The following DPY19L1 variants were observed in gnomAD, a reference collection of about 807,000 sequenced individuals.
DPY19L1 encodes the protein dpy-19 like C-mannosyltransferase 1.
In DPY19L1, 35 loss-of-function variants were observed where a neutral mutation model predicts 96.9. The observed-to-expected ratio is 0.36, with a 90% CI of 0.28 to 0.48. DPY19L1 has a LOEUF of 0.48. Among genes scored for constraint, DPY19L1 ranks in the 20% least tolerant of loss-of-function variants. The pLI, the probability that DPY19L1 is intolerant of heterozygous loss-of-function variation, is 0.99. For synonymous variants in DPY19L1, 205 were observed against 252.6 expected (o/e 0.81, Z 1.79); for missense variants, 521 against 777.9 (o/e 0.67, Z 3.93).
upstream of DPY19L1, chr7:35,037,591 G>A (rs1786465480): frequency 7.4e-6 from 2 of 269,664 alleles, no homozygotes; most frequent in Non-Finnish European, 1.4e-5. Flanking sequence ...TGGCAGTACC[G>A]CCGGGAGGCG....
chr7:34,936,120 C>T (rs1050320795), intron 21 of DPY19L1, among the ~76,000 whole-genome samples: 2 of 152,236 alleles, frequency 1.3e-5, no homozygotes, highest in African/African-American at 4.8e-5. Context: ...CTCTTCTGCA[C>T]CCCAACTCTC....
intron 21 of DPY19L1, among the ~76,000 whole-genome samples, chr7:34,933,846 G>T (rs1783808954): frequency 6.6e-6 from 1 of 152,186 alleles, no homozygotes; most frequent in Admixed American, 6.5e-5. Context: ...TACTTTTGAA[G>T]TTTTGGGACT....
intron 1 of DPY19L1, among the ~76,000 whole-genome samples, chr7:35,026,261 A>G (rs989032142): frequency 6.6e-6 from 1 of 152,170 alleles, no homozygotes; most frequent in African/African-American, 2.4e-5. Flanking sequence ...AGTAGCTGGA[A>G]ATGCAGAGTC....
At chr7:34,985,348 C>T (rs540215936) in intron 7 of DPY19L1, among the ~76,000 whole-genome samples, 6 of 152,206 alleles carry the variant, frequency 3.9e-5, no homozygotes, top group South Asian at 2.1e-4. Flanking sequence ...AACTAAAATG[C>T]TTCTGCACAA....
intron 7 of DPY19L1, among the ~76,000 whole-genome samples, chr7:34,987,338 T>G (rs1028254003): frequency 3.3e-5 from 5 of 152,096 alleles, no homozygotes; most frequent in Non-Finnish European, 7.4e-5. Context: ...ACCCTTTTAC[T>G]GCATTTCACA....
intron 7 of DPY19L1, among the ~76,000 whole-genome samples, chr7:34,979,122 C>A (rs1784887919): frequency 6.6e-6 from 1 of 152,088 alleles, no homozygotes; most frequent in Admixed American, 6.6e-5. Flanking sequence ...TATATCCTAT[C>A]CAAATTTACA....
Position 34,973,552 on chromosome 7 carries a change from A to G in DPY19L1, c.876T>C (p.Phe292=). 1 of 1,542,490 alleles carries G rather than the reference A, an allele frequency of 6.5e-7. No homozygotes were observed. The highest frequency in any genetic ancestry group is 1.3e-5 in the South Asian group (1 of 75,620). Residue 292 remains phenylalanine (F), a synonymous_variant, in exon 8 of 22, where the codon TTT becomes TTC. Transcript: ENST00000638088. The part of the protein sequence containing the change: ...PPLRESFSYP[F]LVLQMLLVTH... Reference sequence around the variant, plus strand: ...TCACTAGCAACATCTGAAGAACAAGAAATGGATATGAGAAGCTTTCACGGA... The same window carrying G: ...TCACTAGCAACATCTGAAGAACAAGGAATGGATATGAGAAGCTTTCACGGA...
In DPY19L1 at chr7:34,945,724, T is replaced by G; in HGVS notation, c.1495-8A>C. The G allele has an allele frequency of 6.3e-7, 1 of 1,588,216 alleles. No homozygotes were observed. The highest frequency in any genetic ancestry group is 1.7e-5 in the Admixed American group (1 of 57,796). ...CCACATATCACTAATAATCTGTAAA[T>G]AGATTTTGAAACACTTTAGAAAAGC... On this transcript the variant is annotated splice_region_variant and splice_polypyrimidine_tract_variant and intron_variant, in intron 15 of 21. Transcript: ENST00000638088.
intron 1 of DPY19L1, among the ~76,000 whole-genome samples, chr7:35,026,978 C>G (rs1034174579): frequency 1.3e-5 from 2 of 151,988 alleles, no homozygotes; most frequent in South Asian, 4.1e-4. Flanking sequence ...AGGTGGATAC[C>G]TGAGGTCAGG....
intron 1 of DPY19L1, among the ~76,000 whole-genome samples, chr7:35,027,909 A>T (rs1236391114): frequency 6.6e-6 from 1 of 152,188 alleles, no homozygotes; most frequent in African/African-American, 2.4e-5. Context: ...AAGATCTAGA[A>T]ATCAGTGGTC....
intron 1 of DPY19L1, among the ~76,000 whole-genome samples, chr7:35,019,200 T>G (rs1785931180): frequency 6.6e-6 from 1 of 152,164 alleles, no homozygotes; most frequent in South Asian, 2.1e-4. Context: ...TTCAATTTTC[T>G]TATCTCACAA....
At chr7:35,024,523 T>A (rs1411509871) in intron 1 of DPY19L1, among the ~76,000 whole-genome samples, 2 of 152,160 alleles carry the variant, frequency 1.3e-5, no homozygotes, top group East Asian at 3.9e-4. Context: ...CATACACCTC[T>A]AAGCATCACA....
chr7:34,975,469 T>C (rs2128669034), intron 7 of DPY19L1, among the ~76,000 whole-genome samples: 1 of 152,262 alleles, frequency 6.6e-6, no homozygotes. Context: ...GGTTGGTTCA[T>C]GAGGTTTAAG....
chr7:34,929,012 A>G lies in DPY19L1; in HGVS notation c.*2561T>C, dbSNP rs532787552. On this transcript the variant is annotated 3_prime_UTR_variant, in exon 22 of 22. Transcript: ENST00000638088. ...TACATACTTTCATTTTCTCATTAAT[A>G]TCACTGGCCTATTTTAACACTATAT... The G allele has an allele frequency of 1.3e-5, 2 of 152,314 alleles. No homozygotes were observed. Among genetic ancestry groups the G allele is most frequent in the East Asian group, 3.9e-4 (2 of 5,190 alleles). The allele number at this position is 152,314 out of a possible 1,614,324, so 9.4% of individuals were successfully genotyped here.
rs191517360 is a variant in DPY19L1 at position 34,976,663 on chromosome 7, T to C, written c.823-3058A>G. 5.6e-3 allele frequency among the ~76,000 whole-genome samples: 856 copies of C among 152,336 alleles called. 29 individuals carry two copies. The highest frequency in any genetic ancestry group is 0.052 in the Admixed American group (790 of 15,296). Reference sequence around the variant, plus strand: ...ATCAATACAGCAAATTTCATTGTTATCTTATTTTAAGAAATTGCCACAGCT... The same window carrying C: ...ATCAATACAGCAAATTTCATTGTTACCTTATTTTAAGAAATTGCCACAGCT... On this transcript the variant is annotated intron_variant, in intron 7 of 21. Coordinates refer to ENST00000638088, the MANE Select transcript of DPY19L1 (RefSeq NM_001366673.1).
intron 6 of DPY19L1, among the ~76,000 whole-genome samples, chr7:35,000,856 A>G (rs1173152630): frequency 6.6e-6 from 1 of 152,264 alleles, no homozygotes; most frequent in African/African-American, 2.4e-5. Flanking sequence ...GCAATGAAAT[A>G]AACACTTTTT....
intron 7 of DPY19L1, among the ~76,000 whole-genome samples, chr7:34,979,595 T>C (rs982727447): frequency 2.6e-5 from 4 of 152,142 alleles, no homozygotes; most frequent in African/African-American, 7.2e-5. Flanking sequence ...TGTAGTAACT[T>C]TGAAACTATT....
intron 6 of DPY19L1, among the ~76,000 whole-genome samples, chr7:35,000,160 C>A (rs1478448458): frequency 6.6e-6 from 1 of 152,124 alleles, no homozygotes. Context: ...TACATGGAGA[C>A]CTCTTGATCT....
intron 1 of DPY19L1, among the ~76,000 whole-genome samples, chr7:35,032,971 T>C (rs552372920): frequency 1.3e-5 from 2 of 152,286 alleles, no homozygotes; most frequent in African/African-American, 4.8e-5. Flanking sequence ...CATGGGTCTC[T>C]CCACTTTTGT....
Sources: gnomAD v4.1 joint callset for allele counts (sites outside exome capture counted in the v4.1 genomes callset) on GRCh38, gnomAD v4.1.1 for gene constraint, MANE v1.5 for transcripts, NCBI Gene and HGNC (gene_info 2026-07-23, HGNC 2026-07-21) for gene names.